Variants in UNC13A observed in about 807,000 individuals in gnomAD.
UNC13A encodes protein unc-13 homolog A.
A neutral mutation model predicts 219.7 loss-of-function variants in UNC13A; 61 were observed. The ratio of observed to expected loss-of-function variants is 0.28; its 90% CI spans 0.23 to 0.34. The LOEUF (loss-of-function observed/expected upper bound fraction) is 0.34, where lower values mean the gene tolerates loss of function less well. Ranked by LOEUF, UNC13A falls within the 10% of genes least tolerant of loss-of-function variation. The pLI is 1.00. For missense variants in UNC13A, 1,476 were observed against 2,270.3 expected (o/e 0.65, Z 7.11); for synonymous variants, 920 against 884.6 (o/e 1.04, Z -0.71).
At chr19:17,631,354 G>A (rs1045225398) in intron 28 of UNC13A, among the ~76,000 whole-genome samples, 2 of 150,762 alleles carry the variant, frequency 1.3e-5, no homozygotes, top group African/African-American at 4.9e-5. Flanking sequence ...CCGAATAGCT[G>A]GCACTACAGG....
At chr19:17,615,835 C>T (rs761600643) in intron 41 of UNC13A, among the ~76,000 whole-genome samples, 9 of 152,142 alleles carry the variant, frequency 5.9e-5, no homozygotes, top group Admixed American at 1.3e-4. Flanking sequence ...ATTAGCTAGC[C>T]ATGTGACGTG....
rs760106069 is a variant in UNC13A, at chr19:17,666,199, T to TCTCTCTCTCTTTCTTTC, written c.523+450_523+451insGAAAGAAAGAGAGAGAG. ...TCTTTCTCTCTCTCTCTTTCTCTCT[T>TCTCTCTCTCTTTCTTTC]TCTTTCTCTTTCTTTCCTTCCTTCT... On this transcript the variant is annotated intron_variant, in intron 7 of 43. Transcript: ENST00000519716. Among the ~76,000 whole-genome samples, 235 of 144,168 alleles carry TCTCTCTCTCTTTCTTTC rather than the reference T, an allele frequency of 1.6e-3. 2 individuals are homozygous for TCTCTCTCTCTTTCTTTC. The East Asian group carries it at 0.037, about 23-fold the overall frequency. The allele number at this position is 144,168 out of a possible 152,430, so 94.6% of individuals were successfully genotyped here. A position where few individuals can be genotyped will look rare whatever the true frequency, so the allele number is the denominator to read the frequency against.
At position 17,626,774 on chromosome 19, in the gene UNC13A, T is replaced by C. The variant is rs369266503; in HGVS notation, c.3932A>G (p.His1311Arg). Residue 1311 changes from histidine (H) to arginine (R), a missense_variant, in exon 34 of 44, where the codon CAC (histidine) becomes CGC (arginine). This residue lies in a region of UNC13A where 218 missense variants were observed against 409.4 expected (regional missense o/e 0.53). Transcript: ENST00000519716. ...CATCTGTTTGACACACTCTTCAATGTGCGGCTGGAAGCTGGGGACACAGAA... is the reference window on the plus strand; with the variant it reads ...CATCTGTTTGACACACTCTTCAATGCGCGGCTGGAAGCTGGGGACACAGAA... Reference protein sequence around the residue: ...SRVFATSFQPHIEECVKQMGD... With the variant: ...SRVFATSFQPRIEECVKQMGD... The C allele has an allele frequency of 5.0e-6, 8 of 1,610,806 alleles. No homozygotes were observed. The African/African-American group carries it at 1.1e-4, about 22-fold the overall frequency.
chr19:17,621,550 C>A (rs992517859), intron 37 of UNC13A, among the ~76,000 whole-genome samples: 2 of 152,038 alleles, frequency 1.3e-5, no homozygotes, highest in African/African-American at 4.8e-5. Flanking sequence ...AGAATTTCAG[C>A]TGAGCCCAGG....
chr19:17,658,385 G>A, intron 8 of UNC13A, 116 bp from the exon 9 acceptor site: 1 of 964,692 alleles, frequency 1.0e-6, no homozygotes, highest in Non-Finnish European at 1.6e-6. Context: ...TTTTTTACTA[G>A]TATGGATAAA....
In UNC13A at chr19:17,648,990, A is replaced by G; in HGVS notation, c.1525-7T>C. The stretch of plus-strand genomic sequence containing the variant: ...TCCTGGACTGGACCAGGGACTGGGG[A>G]GGTCACAGAAGAGGGAGTCGGGGGG... On this transcript the variant is annotated splice_polypyrimidine_tract_variant and splice_region_variant and intron_variant, in intron 14 of 43. Coordinates refer to ENST00000519716, the MANE Select transcript of UNC13A (RefSeq NM_001080421.3). 2 of 1,595,204 alleles carry G rather than the reference A, an allele frequency of 1.3e-6. No homozygotes were observed. Among genetic ancestry groups the G allele is most frequent in the Non-Finnish European group, 1.7e-6 (2 of 1,171,998 alleles).
intron 29 of UNC13A, 147 bp from the exon 30 acceptor site, chr19:17,630,435 T>G: frequency 4.3e-6 from 6 of 1,388,530 alleles, no homozygotes; most frequent in Non-Finnish European, 5.8e-6. Flanking sequence ...TAGAGTCAAC[T>G]CTAGAGGTGG....
chr19:17,688,265 G>T lies in UNC13A; in HGVS notation c.-66C>A. On this transcript the variant is annotated 5_prime_UTR_variant, in exon 1 of 44. Transcript: ENST00000519716. ...CTCTGTCGGGTCGGGCTCAGCGGCCGCTGGGCTGGGGCATCTCCCGGCTGC... is the reference window on the plus strand; with the variant it reads ...CTCTGTCGGGTCGGGCTCAGCGGCCTCTGGGCTGGGGCATCTCCCGGCTGC... 3 of 1,402,278 alleles carry T rather than the reference G, an allele frequency of 2.1e-6. No individual in the cohort carries two copies. Among genetic ancestry groups the T allele is most frequent in the Non-Finnish European group, 2.8e-6 (3 of 1,078,720 alleles). The allele number at this position is 1,402,278 out of a possible 1,614,324, so 86.9% of individuals were successfully genotyped here.
At chr19:17,675,862 TC>T (rs1568273514) in intron 2 of UNC13A, 149 bp downstream of exon 2, 13 of 1,049,802 alleles carry the variant, frequency 1.2e-5, no homozygotes, top group Non-Finnish European at 1.7e-5. Context: ...TGGCTGCCCC[TC>T]CCCCTATTTA....
At chr19:17,619,216 G>A (rs1178058083) in intron 38 of UNC13A, among the ~76,000 whole-genome samples, 2 of 152,108 alleles carry the variant, frequency 1.3e-5, no homozygotes, top group Non-Finnish European at 2.9e-5. Flanking sequence ...AAACAGACAG[G>A]GACCAGACTG....
chr19:17,645,075 C>T (rs1293328361), intron 19 of UNC13A, among the ~76,000 whole-genome samples: 1 of 143,884 alleles, frequency 7.0e-6, no homozygotes, highest in African/African-American at 2.6e-5. Context: ...GTGGCGCAGT[C>T]TCAGCTCACT....
Position 17,639,881 on chromosome 19 carries a change from G to T in UNC13A, c.2815C>A (p.Gln939Lys). Residue 939 changes from glutamine to lysine, a missense_variant, in exon 23 of 44, where the codon CAG becomes AAG. Physicochemically the swap from Gln to Lys is moderately conservative, Grantham distance 53. Transcript: ENST00000519716. ...GKERFVKLLD[Q>K]LHNSLRIDLS... ...TCAATCCGCAGGGAGTTATGCAGCT[G>T]GTCCAGGAGTTTCACGAAGCGCTCT... 6.2e-7 allele frequency: 1 copy of T among 1,613,840 alleles called. No homozygotes were observed. Among genetic ancestry groups the T allele is most frequent in the South Asian group, 1.1e-5 (1 of 91,080 alleles).
chr19:17,674,687 C>T lies in UNC13A; in HGVS notation c.122G>A (p.Ser41Asn). 1.2e-6 allele frequency: 2 copies of T among 1,613,966 alleles called. No individual in the cohort carries two copies. Among genetic ancestry groups the T allele is most frequent in the Non-Finnish European group, 1.7e-6 (2 of 1,179,884 alleles). Reference protein sequence around the residue: ...VKSTTIAVRGSQPSWEQDFMF... With the variant: ...VKSTTIAVRGNQPSWEQDFMF... ...GAAATCCTGCTCCCAGCTGGGCTGG[C>T]TGCCCCGCACCGCGATGGTCGTGCT... Residue 41 changes from serine to asparagine, a missense_variant, in exon 3 of 44, where the codon AGC becomes AAC. Transcript: ENST00000519716. The surrounding 1 kb of genome is among the most constrained non-coding windows in gnomAD (Gnocchi z 5.0).
In UNC13A at chr19:17,617,710, G is replaced by A. The variant is rs1196902520; in HGVS notation, c.4550C>T (p.Ser1517Leu). Residue 1517 changes from serine to leucine, a missense_variant, in exon 41 of 44, where the codon TCG becomes TTG. By Grantham distance (145) the Ser-to-Leu change is moderately radical. Coordinates refer to ENST00000519716, the MANE Select transcript of UNC13A (RefSeq NM_001080421.3). ...LLIKTFVQTQ[S>L]AQGLGVEDPV... ...GGTCTGGGTACCCTTACCCTGGGCC[G>A]ATTGCGTCTGTACAAAGGTCTTGAT... 3.7e-6 allele frequency: 6 copies of A among 1,613,740 alleles called. No individual in the cohort carries two copies. Among genetic ancestry groups the A allele is most frequent in the East Asian group, 4.5e-5 (2 of 44,870 alleles).
At chr19:17,623,433 G>T in intron 36 of UNC13A, 109 bp downstream of exon 36, 1 of 815,358 alleles carries the variant, frequency 1.2e-6, no homozygotes, top group Non-Finnish European at 1.9e-6. Flanking sequence ...AGGATGGTGG[G>T]TGAGGAGGGG....
At chr19:17,675,078 A>G (rs2145915292) in intron 2 of UNC13A, among the ~76,000 whole-genome samples, 1 of 152,324 alleles carries the variant, frequency 6.6e-6, no homozygotes, top group African/African-American at 2.4e-5. Flanking sequence ...CTATAATGCC[A>G]GCACTTTGGG....
chr19:17,634,537 G>C (rs1287219281), intron 26 of UNC13A, among the ~76,000 whole-genome samples: 1 of 151,896 alleles, frequency 6.6e-6, no homozygotes, highest in Non-Finnish European at 1.5e-5. Flanking sequence ...ATGGGGTTTT[G>C]CCATGTTGGC....
At chr19:17,663,676 A>C (rs2079592133) in intron 7 of UNC13A, 109 bp from the exon 8 acceptor site, 6 of 1,178,446 alleles carry the variant, frequency 5.1e-6, no homozygotes, top group Non-Finnish European at 6.1e-6. Context: ...CCCCACCCCA[A>C]AAGTCCCTCT....
At chr19:17,632,759 T>G in intron 28 of UNC13A, 23 bp downstream of exon 28, 1 of 1,613,330 alleles carries the variant, frequency 6.2e-7, no homozygotes. Flanking sequence ...TGGCTTGGGT[T>G]GGGCCTGGGG....
Sources: gnomAD v4.1 joint callset for allele counts (sites outside exome capture counted in the v4.1 genomes callset) on GRCh38, gnomAD v4.1.1 for gene constraint, gnomAD v4.1.1 regional missense constraint, Gnocchi (gnomAD v3.1) non-coding constraint, MANE v1.5 for transcripts, NCBI Gene and HGNC (gene_info 2026-07-23, HGNC 2026-07-21) for gene names.